Variants in TPO observed in about 807,000 individuals in gnomAD.
TPO encodes thyroid peroxidase, also known as thyroid microsomal antigen.
Under a neutral mutation model 96.9 loss-of-function variants are expected in TPO, and 78 were observed. That is an observed-to-expected ratio of 0.81 (90% CI 0.67 to 0.97). TPO has a LOEUF of 0.97. TPO is among the 50% of genes least tolerant of loss of function. The pLI is 0.00. For synonymous variants in TPO, 547 were observed against 538.0 expected (o/e 1.02, Z -0.23); for missense variants, 1,252 against 1,274.8 (o/e 0.98, Z 0.27).
chr2:1,474,470 G>A (rs1204130919), intron 7 of TPO, among the ~76,000 whole-genome samples: 2 of 152,116 alleles, frequency 1.3e-5, no homozygotes, highest in African/African-American at 4.8e-5. Flanking sequence ...GAGTGCACTG[G>A]GGCCCTTTTC....
At chr2:1,462,076 A>G (rs953761584) in intron 7 of TPO, among the ~76,000 whole-genome samples, 1 of 152,092 alleles carries the variant, frequency 6.6e-6, no homozygotes, top group Admixed American at 6.5e-5. Context: ...TCTCTGCCCT[A>G]TTTCAACTTT....
intron 5 of TPO, among the ~76,000 whole-genome samples, chr2:1,449,962 C>T (rs191595838): frequency 3.1e-4 from 47 of 152,200 alleles, no homozygotes; most frequent in Admixed American, 1.9e-3. Context: ...GAAAAATCAC[C>T]GCTGAGTTTC....
At chr2:1,445,849 T>G (rs1311971780) in intron 5 of TPO, among the ~76,000 whole-genome samples, 4 of 147,354 alleles carry the variant, frequency 2.7e-5, no homozygotes, top group Non-Finnish European at 6.0e-5. Flanking sequence ...CCTTCCTGTT[T>G]GTATGATCCA....
At chr2:1,457,239 A>C (rs1482685510) in intron 7 of TPO, among the ~76,000 whole-genome samples, 1 of 90,268 alleles carries the variant, frequency 1.1e-5, no homozygotes, top group African/African-American at 4.5e-5. Context: ...TGTACATAGC[A>C]TGTATGATAC....
At chr2:1,438,560 C>G (rs1665820595) in intron 5 of TPO, among the ~76,000 whole-genome samples, 1 of 151,830 alleles carries the variant, frequency 6.6e-6, no homozygotes, top group African/African-American at 2.4e-5. Context: ...GAGGTCGACC[C>G]AGGGGCCACC....
At chr2:1,453,428 A>T (rs1012784927) in intron 5 of TPO, among the ~76,000 whole-genome samples, 2 of 152,076 alleles carry the variant, frequency 1.3e-5, no homozygotes, top group African/African-American at 4.8e-5. Flanking sequence ...GTGGGAAGGA[A>T]CCCTGCAGGC....
chr2:1,499,169 G>A (rs1447373877), intron 13 of TPO, among the ~76,000 whole-genome samples: 1 of 152,062 alleles, frequency 6.6e-6, no homozygotes, highest in African/African-American at 2.4e-5. Context: ...GAGACTGCTG[G>A]AGTCCTACAA....
At chr2:1,486,282 G>A (rs570415957) in intron 9 of TPO, among the ~76,000 whole-genome samples, 2 of 152,278 alleles carry the variant, frequency 1.3e-5, no homozygotes, top group African/African-American at 4.8e-5. Context: ...AGCACTTTGG[G>A]AGGCTGAGGC....
chr2:1,509,749 C>CCCTCTTGTTTCAGCGACA (rs1474704784), intron 14 of TPO, among the ~76,000 whole-genome samples: 6 of 151,450 alleles, frequency 4.0e-5, no homozygotes, highest in African/African-American at 1.5e-4. Context: ...TTCAGGGACA[C>CCCTCTTGTTTCAGCGACA]CCCACCCCCT....
chr2:1,507,329 CT>C (rs1673577992), intron 14 of TPO, among the ~76,000 whole-genome samples: 1 of 152,154 alleles, frequency 6.6e-6, no homozygotes, highest in Admixed American at 6.6e-5. Context: ...GTGCCTCCCA[CT>C]TTGTTCTTTT....
chr2:1,404,679 C>T (rs886296077), intron 1 of TPO, among the ~76,000 whole-genome samples: 5 of 152,164 alleles, frequency 3.3e-5, no homozygotes, highest in African/African-American at 1.2e-4. Flanking sequence ...GATGTTTGGT[C>T]TCCAGAACTG....
chr2:1,437,147 C>T (rs2148504920), intron 5 of TPO, among the ~76,000 whole-genome samples: 1 of 152,270 alleles, frequency 6.6e-6, no homozygotes, highest in Middle Eastern at 3.4e-3. Context: ...AAATGGTCCA[C>T]AGGGTAGAGA....
At chr2:1,498,934 T>G (rs895047185) in intron 13 of TPO, among the ~76,000 whole-genome samples, 1 of 152,162 alleles carries the variant, frequency 6.6e-6, no homozygotes, top group African/African-American at 2.4e-5. Context: ...GTTAAGGAAT[T>G]GATGGCAGGT....
chr2:1,529,219 CCCCCCCACTGTGTGCAACCGTGCTAAAT>C (rs1677399109), intron 15 of TPO, among the ~76,000 whole-genome samples: 1 of 29,002 alleles, frequency 3.4e-5, no homozygotes, highest in Non-Finnish European at 6.4e-5. Flanking sequence ...CTCCTCAAAT[CCCCCCCACTGTGTGCAACCGTGCTAAAT>C]CCCCCCACTC....
chr2:1,433,979 G>A (rs1665298395), intron 4 of TPO, among the ~76,000 whole-genome samples: 1 of 152,166 alleles, frequency 6.6e-6, no homozygotes, highest in South Asian at 2.1e-4. Context: ...CTTCATGTGT[G>A]AGGCAGCGCA....
intron 2 of TPO, among the ~76,000 whole-genome samples, chr2:1,421,650 T>A (rs1193604646): frequency 6.6e-6 from 1 of 152,046 alleles, no homozygotes; most frequent in African/African-American, 2.4e-5. Flanking sequence ...TAGAAGGAAA[T>A]AAGAGGAAAA....
intron 15 of TPO, among the ~76,000 whole-genome samples, chr2:1,531,915 A>ACTGTGTGCAACCTCAAATC (rs1678347543): frequency 2.4e-4 from 6 of 25,526 alleles, no homozygotes; most frequent in Admixed American, 4.7e-4. Context: ...TCCTCAAATC[A>ACTGTGTGCAACCTCAAATC]CCCCCACTGT....
chr2:1,495,684 CG>C (rs1255755875), intron 11 of TPO, among the ~76,000 whole-genome samples: 1 of 152,226 alleles, frequency 6.6e-6, no homozygotes, highest in African/African-American at 2.4e-5. Flanking sequence ...ACATCTCCTT[CG>C]GGTCCTCAGT....
intron 10 of TPO, among the ~76,000 whole-genome samples, chr2:1,491,984 C>T (rs1671811790): frequency 6.6e-6 from 1 of 152,138 alleles, no homozygotes; most frequent in African/African-American, 2.4e-5. Context: ...CGGGGGAACC[C>T]TTGCCAGATG....
Sources: allele counts gnomAD v4.1 joint callset (sites outside exome capture counted in the v4.1 genomes callset), GRCh38; gene constraint gnomAD v4.1.1; transcripts MANE v1.5; gene names NCBI Gene and HGNC (gene_info 2026-07-23, HGNC 2026-07-21).